The following JMY variants were observed in gnomAD, a reference collection of about 807,000 sequenced individuals.
JMY encodes the protein junction-mediating and -regulatory protein.
A neutral mutation model predicts 103.3 loss-of-function variants in JMY; 46 were observed. That is an observed-to-expected ratio of 0.45 (90% CI 0.35 to 0.57). JMY has a LOEUF of 0.57. JMY is among the 20% of genes least tolerant of loss of function. The pLI is 0.00. For synonymous variants in JMY, 526 were observed against 489.3 expected, an observed-to-expected ratio of 1.07 and a Z score of -0.99; for missense variants, 1,238 against 1,255.2, an observed-to-expected ratio of 0.99 and a Z score of 0.21.
intron 7 of JMY, among the ~76,000 whole-genome samples, chr5:79,310,985 G>A (rs1747031891): frequency 6.6e-6 from 1 of 152,004 alleles, no homozygotes; most frequent in Non-Finnish European, 1.5e-5. Context: ...AAATAGCTGG[G>A]CATGGTGGCG....
chr5:79,253,063 C>T (rs1026688008), intron 1 of JMY, among the ~76,000 whole-genome samples: 3 of 151,798 alleles, frequency 2.0e-5, no homozygotes, highest in African/African-American at 2.4e-5. Context: ...TTTCTTTTTG[C>T]GAATCCATTG....
In JMY at chr5:79,314,640, T is replaced by TCCCCCCC; in HGVS notation, c.2450_2451insCCCCCCC (p.Pro820SerfsTer13). The TCCCCCCC allele has an allele frequency of 2.2e-6, 1 of 453,142 alleles. No homozygotes were observed. Among genetic ancestry groups the TCCCCCCC allele is most frequent in the Non-Finnish European group, 3.5e-6 (1 of 287,236 alleles). 28.1% of individuals were successfully genotyped at this position (453,142 alleles called of 1,614,324 possible). A position where few individuals can be genotyped will look rare whatever the true frequency, so the allele number is the denominator to read the frequency against. On this transcript the variant is annotated frameshift_variant, in exon 9 of 11. Transcript: ENST00000396137. LOFTEE classifies it high-confidence loss of function. ...CTCCAACACCACCACCTCCCCCACCTCCTCCCCCTCCCCCACCACCACCAC... is the reference window on the plus strand; with the variant it reads ...CTCCAACACCACCACCTCCCCCACCTCCCCCCCCCTCCCCCTCCCCCACCACCACCAC...
At chr5:79,309,518 T>C (rs999154253) in intron 7 of JMY, among the ~76,000 whole-genome samples, 3 of 152,224 alleles carry the variant, frequency 2.0e-5, no homozygotes, top group Non-Finnish European at 4.4e-5. Context: ...ACCAGTAATT[T>C]GTACTTAAAT....
chr5:79,307,180 T>G (rs531193670), intron 7 of JMY, among the ~76,000 whole-genome samples: 1 of 152,340 alleles, frequency 6.6e-6, no homozygotes, highest in African/African-American at 2.4e-5. Context: ...CTTCTAAGCT[T>G]TGGCAGCAAT....
intron 1 of JMY, among the ~76,000 whole-genome samples, chr5:79,268,305 G>A (rs1035589554): frequency 6.6e-6 from 1 of 152,026 alleles, no homozygotes; most frequent in African/African-American, 2.4e-5. Flanking sequence ...TCCCAATGTA[G>A]CTGTACAGTT....
chr5:79,240,236 G>A (rs564660123), intron 1 of JMY, among the ~76,000 whole-genome samples: 3 of 152,062 alleles, frequency 2.0e-5, no homozygotes, highest in African/African-American at 7.2e-5. Flanking sequence ...AGCTGGTCTC[G>A]AACTCCTGAC....
At chr5:79,297,632 C>G (rs1467866410) in intron 4 of JMY, among the ~76,000 whole-genome samples, 1 of 152,194 alleles carries the variant, frequency 6.6e-6, no homozygotes, top group Non-Finnish European at 1.5e-5. Context: ...GCATCCTTTT[C>G]TCCTTTGCTG....
intron 4 of JMY, among the ~76,000 whole-genome samples, chr5:79,291,644 A>G (rs78351853): frequency 0.021 from 3,178 of 152,308 alleles, 131 homozygotes; most frequent in African/African-American, 0.072. Flanking sequence ...TAAAATTTCT[A>G]AGGCAGTGGC....
chr5:79,300,449 T>C, intron 5 of JMY, 131 bp downstream of exon 5: 1 of 883,714 alleles, frequency 1.1e-6, no homozygotes. Flanking sequence ...TGTGGGGGGG[T>C]GATTTCTAGC....
At chr5:79,268,801 A>G (rs1261598841) in intron 1 of JMY, among the ~76,000 whole-genome samples, 2 of 152,098 alleles carry the variant, frequency 1.3e-5, no homozygotes, top group African/African-American at 4.8e-5. Context: ...ATCTTTTCAC[A>G]TGCTTATTTG....
chr5:79,259,502 C>T (rs1296877704), intron 1 of JMY, among the ~76,000 whole-genome samples: 2 of 152,248 alleles, frequency 1.3e-5, no homozygotes, highest in African/African-American at 4.8e-5. Context: ...CTCACCCACT[C>T]CTGCCCAGGA....
At chr5:79,244,673 G>A (rs1453466133) in intron 1 of JMY, among the ~76,000 whole-genome samples, 1 of 122,172 alleles carries the variant, frequency 8.2e-6, no homozygotes, top group Non-Finnish European at 1.8e-5. Context: ...TTTTTTTTTT[G>A]GTAACGAGAA....
chr5:79,272,496 TCTC>T (rs1464360880), intron 1 of JMY, among the ~76,000 whole-genome samples: 3 of 152,278 alleles, frequency 2.0e-5, no homozygotes, highest in South Asian at 2.1e-4. Context: ...ACTTCTTTTT[TCTC>T]CTCTTCTTTT....
Position 79,291,237 on chromosome 5 carries a change from T to A in JMY, c.1465T>A (p.Leu489Met). Residue 489 changes from leucine to methionine, a missense_variant, in exon 4 of 11, where the codon TTG becomes ATG. Leu to Met is a conservative substitution (Grantham distance 15). Coordinates refer to ENST00000396137, the MANE Select transcript of JMY (RefSeq NM_152405.5). ...CCAGTATGCAGTTTCTAAGGAAACT[T>A]TGCAGATGATGAGAGCTAAAGAGAT... ...KLQYAVSKET[L>M]QMMRAKEICL... The A allele has an allele frequency of 6.2e-7, 1 of 1,613,142 alleles. No individual in the cohort carries two copies. Among genetic ancestry groups the A allele is most frequent in the East Asian group, 2.2e-5 (1 of 44,848 alleles).
intron 1 of JMY, among the ~76,000 whole-genome samples, chr5:79,271,947 C>T (rs899497631): frequency 3.3e-5 from 5 of 151,892 alleles, no homozygotes; most frequent in African/African-American, 1.2e-4. Context: ...TCTGTCTCTA[C>T]TAAAATACAA....
chr5:79,284,968 T>G (rs1318773386), intron 2 of JMY: 9 of 1,278,394 alleles, frequency 7.0e-6, no homozygotes, highest in Non-Finnish European at 9.9e-6. Context: ...GAAAGTAAAA[T>G]GAAGTTGAAA....
chr5:79,294,272 C>T (rs1424770168), intron 4 of JMY, among the ~76,000 whole-genome samples: 5 of 151,876 alleles, frequency 3.3e-5, no homozygotes, highest in South Asian at 2.1e-4. Flanking sequence ...AGGTGGGTGG[C>T]GTGCTCCTGT....
At chr5:79,277,052 A>G (rs955622490) in intron 1 of JMY, among the ~76,000 whole-genome samples, 1 of 152,082 alleles carries the variant, frequency 6.6e-6, no homozygotes, top group Non-Finnish European at 1.5e-5. Context: ...CTTTTATAAA[A>G]CTTTTATTTA....
At chr5:79,276,200 C>A (rs1050733015) in intron 1 of JMY, among the ~76,000 whole-genome samples, 2 of 152,178 alleles carry the variant, frequency 1.3e-5, no homozygotes, top group African/African-American at 2.4e-5. Flanking sequence ...CTCACTGCAA[C>A]CTCTGCCTAC....
Sources: allele counts gnomAD v4.1 joint callset (sites outside exome capture counted in the v4.1 genomes callset), GRCh38; gene constraint gnomAD v4.1.1; transcripts MANE v1.5; gene names NCBI Gene and HGNC (gene_info 2026-07-23, HGNC 2026-07-21).